ASTN2: variants seen among roughly 807,000 people sequenced by gnomAD.
ASTN2 encodes astrotactin 2, also known as astrotactin-2.
A neutral mutation model predicts 139.8 loss-of-function variants in ASTN2; 54 were observed. The observed-to-expected ratio is 0.39, with a 90% CI of 0.31 to 0.48. ASTN2 has a LOEUF of 0.48. Among genes scored for constraint, ASTN2 ranks in the 20% least tolerant of loss-of-function variants. The pLI is 0.95. For missense variants in ASTN2, 1,565 were observed against 1,725.1 expected, an observed-to-expected ratio of 0.91 and a Z score of 1.64; for synonymous variants, 756 against 719.5, an observed-to-expected ratio of 1.05 and a Z score of -0.81.
intron 1 of ASTN2, among the ~76,000 whole-genome samples, chr9:117,410,048 C>A (rs766428738): frequency 1.4e-4 from 21 of 152,322 alleles, no homozygotes; most frequent in Admixed American, 6.5e-4. Context: ...GCTTTTCTTT[C>A]TTCACACTCC....
chr9:117,386,840 C>T (rs1299018544), intron 1 of ASTN2, among the ~76,000 whole-genome samples: 1 of 152,192 alleles, frequency 6.6e-6, no homozygotes, highest in East Asian at 1.9e-4. Context: ...CCTACACCCA[C>T]AGAGCTTACT....
chr9:116,727,294 A>G (rs1828655419), intron 15 of ASTN2, among the ~76,000 whole-genome samples: 1 of 152,122 alleles, frequency 6.6e-6, no homozygotes, highest in Non-Finnish European at 1.5e-5. Context: ...GGGACACAGC[A>G]AACACACCAA....
intron 19 of ASTN2, among the ~76,000 whole-genome samples, chr9:116,513,151 TC>T (rs530085976): frequency 5.6e-4 from 86 of 152,312 alleles, no homozygotes; most frequent in African/African-American, 2.0e-3. Flanking sequence ...GCTGTTCCTT[TC>T]CATGTTTAGT....
intron 3 of ASTN2, among the ~76,000 whole-genome samples, chr9:117,155,230 TATTATAG>T (rs1830407086): frequency 6.6e-6 from 1 of 152,034 alleles, no homozygotes; most frequent in African/African-American, 2.4e-5. Context: ...CTCAGCTAAA[TATTATAG>T]ATAACTCCTT....
At chr9:117,016,206 G>A (rs1272536854) in intron 6 of ASTN2, among the ~76,000 whole-genome samples, 1 of 152,036 alleles carries the variant, frequency 6.6e-6, no homozygotes, top group Non-Finnish European at 1.5e-5. Flanking sequence ...GGGCAGGGGA[G>A]GTGCCCAAGA....
In ASTN2 at chr9:116,510,496, G is replaced by T. The variant is rs372922905; in HGVS notation, c.3356-22996C>A. 4.5e-4 allele frequency among the ~76,000 whole-genome samples: 69 copies of T among 152,176 alleles called. 2 individuals carry two copies. In the South Asian group the frequency reaches 8.3e-3, roughly 18 times the overall value. On this transcript the variant is annotated intron_variant, in intron 19 of 22. Coordinates refer to ENST00000313400, the MANE Select transcript of ASTN2 (RefSeq NM_001365068.1). The stretch of plus-strand genomic sequence containing the variant: ...TCTTGGCAATGTGGGCTCTTTTTTG[G>T]TTCCATATGAACTTTAAAGTAGTTT...
chr9:117,064,625 G>A (rs1265118795), intron 5 of ASTN2, among the ~76,000 whole-genome samples: 2 of 152,112 alleles, frequency 1.3e-5, no homozygotes, highest in African/African-American at 2.4e-5. Flanking sequence ...CATATAGAGT[G>A]GAATAATAGA....
chr9:116,426,566 T>C (rs993541951), intron 22 of ASTN2, among the ~76,000 whole-genome samples: 11 of 152,196 alleles, frequency 7.2e-5, no homozygotes, highest in Non-Finnish European at 1.0e-4. Flanking sequence ...CTCAGAATAA[T>C]GACATTACTT....
chr9:116,998,688 A>C (rs1042848105), intron 7 of ASTN2, among the ~76,000 whole-genome samples: 6 of 152,212 alleles, frequency 3.9e-5, no homozygotes, highest in African/African-American at 1.4e-4. Context: ...AGACTTTTAT[A>C]ATGTATATAC....
chr9:116,655,744 T>C (rs1244618592), intron 16 of ASTN2, among the ~76,000 whole-genome samples: 1 of 152,134 alleles, frequency 6.6e-6, no homozygotes, highest in Non-Finnish European at 1.5e-5. Flanking sequence ...TGGGTTGAAG[T>C]CAGTGGCACA....
chr9:116,600,219 G>A (rs1350492316), intron 19 of ASTN2, among the ~76,000 whole-genome samples: 1 of 151,606 alleles, frequency 6.6e-6, no homozygotes, highest in Non-Finnish European at 1.5e-5. Context: ...AGCTACTTGG[G>A]AGGCTGAGGT....
intron 16 of ASTN2, among the ~76,000 whole-genome samples, chr9:116,702,762 T>C (rs1451693657): frequency 6.6e-6 from 1 of 152,186 alleles, no homozygotes; most frequent in East Asian, 1.9e-4. Context: ...CCCTCCTCCC[T>C]TTATCATTCT....
rs1321466741 is a variant in ASTN2, at chr9:117,141,494, G to A, written c.1016-16C>T. 2 of 1,365,552 alleles carry A rather than the reference G, an allele frequency of 1.5e-6. No individual in the cohort carries two copies. Among genetic ancestry groups the A allele is most frequent in the African/African-American group, 1.5e-5 (1 of 67,714 alleles). 84.6% of individuals were successfully genotyped at this position (1,365,552 alleles called of 1,614,324 possible). On this transcript the variant is annotated splice_polypyrimidine_tract_variant and intron_variant, in intron 3 of 22. Transcript: ENST00000313400. ...TCAGCTGCTGCTATAAGGTAGCAAT[G>A]GGGCTGAGGTTAGGGCTTGAGCCCA... is the stretch of plus-strand genomic sequence containing the variant.
At chr9:117,203,339 A>G (rs931174193) in intron 3 of ASTN2, among the ~76,000 whole-genome samples, 1 of 151,990 alleles carries the variant, frequency 6.6e-6, no homozygotes, top group African/African-American at 2.4e-5. Flanking sequence ...TACTCTGTCA[A>G]TTCATCCATT....
chr9:116,658,892 A>G (rs1046005929), intron 16 of ASTN2, among the ~76,000 whole-genome samples: 1 of 152,128 alleles, frequency 6.6e-6, no homozygotes, highest in African/African-American at 2.4e-5. Flanking sequence ...TGATTAAAAT[A>G]TTGGACTGGA....
rs796676934 is a variant in ASTN2 at position 116,747,883 on chromosome 9, T to G, written c.2397-14360A>C. On this transcript the variant is annotated intron_variant, in intron 13 of 22. Transcript: ENST00000313400. The stretch of plus-strand genomic sequence containing the variant: ...CTGTTACTAACTCCTGCCCTGGTAA[T>G]TGCGATCCCTGAAATTGAAAGAAAT... 2.0e-5 allele frequency among the ~76,000 whole-genome samples: 3 copies of G among 152,160 alleles called. No homozygotes were observed. The East Asian group carries it at 5.8e-4, about 29-fold the overall frequency.
intron 6 of ASTN2, among the ~76,000 whole-genome samples, chr9:117,034,731 T>C (rs1470128746): frequency 6.6e-6 from 1 of 152,188 alleles, no homozygotes; most frequent in East Asian, 1.9e-4. Flanking sequence ...CGATTTGTAG[T>C]TCACAGCTGG....
At chr9:117,003,500 A>G (rs985418335) in intron 7 of ASTN2, among the ~76,000 whole-genome samples, 1 of 63,748 alleles carries the variant, frequency 1.6e-5, no homozygotes, top group African/African-American at 5.3e-5. Flanking sequence ...GACCTAGTGG[A>G]TTCCAGTGAT....
At chr9:116,923,404 G>A (rs1430294132) in intron 10 of ASTN2, among the ~76,000 whole-genome samples, 2 of 152,110 alleles carry the variant, frequency 1.3e-5, no homozygotes, top group Non-Finnish European at 2.9e-5. Context: ...CTCTTGGAGG[G>A]GCCAAGTCAG....
Sources: gnomAD v4.1 joint callset for allele counts (sites outside exome capture counted in the v4.1 genomes callset) on GRCh38, gnomAD v4.1.1 for gene constraint, MANE v1.5 for transcripts, NCBI Gene and HGNC (gene_info 2026-07-23, HGNC 2026-07-21) for gene names.